The following CTNNA2 variants were observed in gnomAD, a reference collection of about 807,000 sequenced individuals.
CTNNA2 encodes catenin alpha-2.
Under a neutral mutation model 101.0 loss-of-function variants are expected in CTNNA2, and 42 were observed. The observed-to-expected ratio is 0.42, with a 90% CI of 0.32 to 0.54. The LOEUF is 0.54. Ranked by LOEUF, CTNNA2 falls within the 20% of genes least tolerant of loss-of-function variation. CTNNA2 has a pLI of 0.14. For missense variants in CTNNA2, 871 were observed against 1,223.1 expected (o/e 0.71, Z 4.29); for synonymous variants, 450 against 456.4 (o/e 0.99, Z 0.18).
At chr2:79,533,647 T>C (rs1353078386) in intron 1 of CTNNA2, among the ~76,000 whole-genome samples, 2 of 152,134 alleles carry the variant, frequency 1.3e-5, no homozygotes, top group Non-Finnish European at 2.9e-5. Flanking sequence ...CACATGTTCC[T>C]AATGGATTCA....
intron 4 of CTNNA2, among the ~76,000 whole-genome samples, chr2:79,475,309 T>C (rs1310427540): frequency 6.6e-6 from 1 of 152,116 alleles, no homozygotes; most frequent in Non-Finnish European, 1.5e-5. Flanking sequence ...CGGAAACTTG[T>C]CTCCTAGATA....
intron 2 of CTNNA2, among the ~76,000 whole-genome samples, chr2:79,285,861 G>A (rs1413482523): frequency 6.8e-6 from 1 of 147,322 alleles, no homozygotes; most frequent in Non-Finnish European, 1.5e-5. Flanking sequence ...GGGTGTTAAA[G>A]TCTCCCATTA....
chr2:79,595,496 T>G (rs1437108542), intron 1 of CTNNA2, among the ~76,000 whole-genome samples: 1 of 152,148 alleles, frequency 6.6e-6, no homozygotes, highest in East Asian at 1.9e-4. Context: ...ATTGTCGTAT[T>G]GCTTCTGTAT....
At chr2:79,622,546 C>T (rs1679062597) in intron 1 of CTNNA2, among the ~76,000 whole-genome samples, 1 of 152,148 alleles carries the variant, frequency 6.6e-6, no homozygotes, top group South Asian at 2.1e-4. Context: ...GATAAGAAAA[C>T]ATTATTTTTC....
intron 7 of CTNNA2, among the ~76,000 whole-genome samples, chr2:80,058,571 T>C (rs1356848017): frequency 6.6e-6 from 1 of 152,224 alleles, no homozygotes; most frequent in Non-Finnish European, 1.5e-5. Context: ...AATGTGTTAC[T>C]TATAGGCGTA....
chr2:79,363,500 T>C (rs1677676286), intron 3 of CTNNA2, among the ~76,000 whole-genome samples: 1 of 152,064 alleles, frequency 6.6e-6, no homozygotes, highest in Admixed American at 6.6e-5. Context: ...GTGCTTGGTC[T>C]AGTATCTGTC....
At chr2:80,604,234 T>C (rs1573429998) in intron 16 of CTNNA2, 55 bp downstream of exon 16, 2 of 1,445,746 alleles carry the variant, frequency 1.4e-6, no homozygotes, top group East Asian at 4.6e-5. Flanking sequence ...AATTAGCACT[T>C]GGGTTTTGTA....
At chr2:79,305,063 T>C (rs1377769425) in intron 2 of CTNNA2, among the ~76,000 whole-genome samples, 3 of 151,944 alleles carry the variant, frequency 2.0e-5, no homozygotes, top group Non-Finnish European at 4.4e-5. Context: ...GGAGTGGACA[T>C]AATAGTGACA....
rs192034331 is a variant in CTNNA2, at chr2:80,259,310, G to A, written c.1057-133901G>A. 1.4e-3 allele frequency among the ~76,000 whole-genome samples: 207 copies of A among 152,258 alleles called. 2 individuals are homozygous for A. The highest frequency in any genetic ancestry group is 0.012 in the Admixed American group (187 of 15,294). On this transcript the variant is annotated intron_variant, in intron 7 of 18. Coordinates refer to ENST00000402739, the MANE Select transcript of CTNNA2 (RefSeq NM_001282597.3). ...ATGTCAGGGTTTTGAGAGGATGCAA[G>A]CAGAGCACCAAGGTGAGGAGACGGA...
intron 2 of CTNNA2, among the ~76,000 whole-genome samples, chr2:79,310,067 T>C (rs1017942902): frequency 6.6e-6 from 1 of 152,194 alleles, no homozygotes; most frequent in African/African-American, 2.4e-5. Flanking sequence ...TATTTTACTT[T>C]TCATCATTTT....
chr2:80,459,253 GGGA>G (rs1260034451), intron 9 of CTNNA2, among the ~76,000 whole-genome samples: 35 of 152,174 alleles, frequency 2.3e-4, no homozygotes, highest in African/African-American at 8.2e-4. Flanking sequence ...TAATTGGTCT[GGGA>G]GGAGTTTGGC....
At chr2:79,805,677 C>T (rs1454780200) in intron 3 of CTNNA2, among the ~76,000 whole-genome samples, 1 of 152,060 alleles carries the variant, frequency 6.6e-6, no homozygotes, top group African/African-American at 2.4e-5. Context: ...GTGGCTCATG[C>T]CTGTAATCCC....
intron 6 of CTNNA2, among the ~76,000 whole-genome samples, chr2:79,899,406 G>C (rs1485031054): frequency 1.3e-5 from 2 of 152,138 alleles, no homozygotes. Context: ...GAGATGATGG[G>C]ATTAGGGAAA....
intron 1 of CTNNA2, chr2:79,195,798 A>T (rs1411590518): frequency 5.8e-6 from 3 of 513,174 alleles, no homozygotes; most frequent in African/African-American, 5.8e-5. Flanking sequence ...CCTCACACAA[A>T]GCAAGGCCCG....
intron 2 of CTNNA2, among the ~76,000 whole-genome samples, chr2:79,283,055 T>C (rs1276372302): frequency 1.2e-5 from 1 of 82,690 alleles, no homozygotes; most frequent in African/African-American, 3.3e-5. Context: ...ATAAATGTCT[T>C]CTTTTGAGAA....
rs149246505 is a variant in CTNNA2, at chr2:80,567,503, G to T, written c.1742-6660G>T. Among the ~76,000 whole-genome samples the T allele has an allele frequency of 2.4e-3, 359 of 152,230 alleles. 3 individuals carry two copies. Among genetic ancestry groups the T allele is most frequent in the African/African-American group, 7.2e-3 (299 of 41,550 alleles). On this transcript the variant is annotated intron_variant, in intron 12 of 18. Transcript: ENST00000402739. ...GGGCAACTTTAGGGCCCCAGTAGTT[G>T]ATATCACACTCTCTTTTACCCTTTT...
At chr2:80,545,185 C>G (rs1691935280) in intron 10 of CTNNA2, 111 bp downstream of exon 10, 1 of 938,214 alleles carries the variant, frequency 1.1e-6, no homozygotes. Flanking sequence ...GGCTACTCAT[C>G]ATTTATGAGC....
chr2:79,359,950 T>C (rs994224289), intron 3 of CTNNA2, among the ~76,000 whole-genome samples: 8 of 152,326 alleles, frequency 5.3e-5, no homozygotes, highest in South Asian at 2.1e-4. Context: ...ATCATTCTTA[T>C]GGGTAATGGA....
chr2:80,061,926 A>G (rs1184428227), intron 7 of CTNNA2, among the ~76,000 whole-genome samples: 2 of 152,236 alleles, frequency 1.3e-5, no homozygotes, highest in Admixed American at 1.3e-4. Flanking sequence ...AAACTACTGA[A>G]AGTAAAGCAA....
Sources: gnomAD v4.1 joint callset for allele counts (sites outside exome capture counted in the v4.1 genomes callset) on GRCh38, gnomAD v4.1.1 for gene constraint, MANE v1.5 for transcripts, NCBI Gene and HGNC (gene_info 2026-07-23, HGNC 2026-07-21) for gene names.